Variants in PCDHGA1 observed in about 807,000 individuals in gnomAD.
The protein encoded by PCDHGA1 is protocadherin gamma-A1.
In PCDHGA1, 32 loss-of-function variants were observed where a neutral mutation model predicts 58.0. The ratio of observed to expected loss-of-function variants is 0.55; its 90% CI spans 0.42 to 0.74. The LOEUF (loss-of-function observed/expected upper bound fraction) is 0.74. Ranked by LOEUF, PCDHGA1 falls within the 30% of genes least tolerant of loss-of-function variation. The probability of loss-of-function intolerance (pLI) is 0.00; values close to 1 mark genes in which losing one functional copy is unlikely to be tolerated. For synonymous variants in PCDHGA1, 498 were observed against 501.1 expected, an observed-to-expected ratio of 0.99 and a Z score of 0.08; for missense variants, 1,205 against 1,182.3, an observed-to-expected ratio of 1.02 and a Z score of -0.28.
rs1594666821 is a variant in PCDHGA1, at chr5:141,487,316, T to C, written c.2422-7491T>C. 6.2e-7 allele frequency: 1 copy of C among 1,614,164 alleles called. No individual in the cohort carries two copies. Among genetic ancestry groups the C allele is most frequent in the South Asian group, 1.1e-5 (1 of 91,080 alleles). On this transcript the variant is annotated intron_variant, in intron 1 of 3. Coordinates refer to ENST00000517417, the MANE Select transcript of PCDHGA1 (RefSeq NM_018912.3). This position sits in a 1 kb window ranked among gnomAD's most constrained non-coding sequence, Gnocchi z 5.0. ...CTCATTCGTGGCACTACTCTCTAAG[T>C]GTCTTCGTGGGGCAGCCTGTGGAGT... is the stretch of plus-strand genomic sequence containing the variant.
chr5:141,423,119 G>A (rs769320490), intron 1 of PCDHGA1: 1 of 1,613,774 alleles, frequency 6.2e-7, no homozygotes, highest in South Asian at 1.1e-5. Context: ...CGTACAGCGC[G>A]GGCACTGCTG....
chr5:141,349,159 C>T (rs1758243875), intron 1 of PCDHGA1, among the ~76,000 whole-genome samples: 1 of 152,140 alleles, frequency 6.6e-6, no homozygotes, highest in Non-Finnish European at 1.5e-5. Flanking sequence ...CAACCTCTGC[C>T]TCCTGAGTTA....
intron 1 of PCDHGA1, chr5:141,339,963 C>G: frequency 6.2e-7 from 1 of 1,613,992 alleles, no homozygotes. Context: ...CTAACCAGAG[C>G]GAAGGTTATC....
chr5:141,480,533 G>A (rs2099521308), intron 1 of PCDHGA1, among the ~76,000 whole-genome samples: 1 of 127,758 alleles, frequency 7.8e-6, no homozygotes, highest in African/African-American at 3.6e-5. Flanking sequence ...CAAAGTAGAA[G>A]CACATATGAA....
rs745697154 is a variant in PCDHGA1 at position 141,351,532 on chromosome 5, C to T, written c.2421+18427C>T. On this transcript the variant is annotated intron_variant, in intron 1 of 3. Transcript: ENST00000517417. ...TCACAATCATAGCCACCGACAAGGGCAAACCAGCCCTTTCCTCCAGGACAA... is the reference window on the plus strand; with the variant it reads ...TCACAATCATAGCCACCGACAAGGGTAAACCAGCCCTTTCCTCCAGGACAA... 4 of 1,613,928 alleles carry T rather than the reference C, an allele frequency of 2.5e-6. No homozygotes were observed. The African/African-American group carries it at 4.0e-5, about 16-fold the overall frequency.
rs1218837884 is a variant in PCDHGA1 at position 141,403,668 on chromosome 5, C to A, written c.2421+70563C>A. On this transcript the variant is annotated intron_variant, in intron 1 of 3. Coordinates refer to ENST00000517417, the MANE Select transcript of PCDHGA1 (RefSeq NM_018912.3). ...ACAGTGTTGGATACAAATGATAATG[C>A]CCCGGTTTTTGCTCAACGGATTTAC... 1.9e-6 allele frequency: 3 copies of A among 1,613,772 alleles called. No individual in the cohort carries two copies. In the African/African-American group the frequency reaches 4.0e-5, roughly 22 times the overall value.
chr5:141,386,119 G>T (rs2090470238), intron 1 of PCDHGA1: 1 of 152,186 alleles, frequency 6.6e-6, no homozygotes, highest in Non-Finnish European at 1.5e-5. Context: ...ATCAAAGTGG[G>T]AGATTGGGGA....
intron 1 of PCDHGA1, chr5:141,362,031 G>A: frequency 6.2e-7 from 1 of 1,609,386 alleles, no homozygotes; most frequent in Non-Finnish European, 8.5e-7. Flanking sequence ...CGCGTGCCTT[G>A]GGCGACAGGG....
chr5:141,372,541 G>T, intron 1 of PCDHGA1: 16 of 1,613,980 alleles, frequency 9.9e-6, no homozygotes, highest in Non-Finnish European at 1.3e-5. Flanking sequence ...CTGCGCCTGC[G>T]ATGCTCCTCC....
At chr5:141,443,844 G>T (rs976057583) in intron 1 of PCDHGA1, among the ~76,000 whole-genome samples, 1 of 152,130 alleles carries the variant, frequency 6.6e-6, no homozygotes, top group African/African-American at 2.4e-5. Flanking sequence ...GGGTAATATG[G>T]AAAGTCTGAA....
At chr5:141,366,042 G>A (rs1221134506) in intron 1 of PCDHGA1, 5 of 1,614,242 alleles carry the variant, frequency 3.1e-6, no homozygotes, top group Non-Finnish European at 4.2e-6. Flanking sequence ...CCCACAGACG[G>A]TTCCACGGGC....
intron 1 of PCDHGA1, chr5:141,422,581 G>A (rs1223117895): frequency 3.7e-6 from 6 of 1,613,984 alleles, no homozygotes; most frequent in Non-Finnish European, 4.2e-6. Flanking sequence ...TAACCCTCCC[G>A]TTTTTCCTCA....
chr5:141,352,042 A>G, intron 1 of PCDHGA1: 1 of 1,608,126 alleles, frequency 6.2e-7, no homozygotes, highest in Non-Finnish European at 8.5e-7. Context: ...ACGCAGACTC[A>G]GGACACAACG....
intron 1 of PCDHGA1, among the ~76,000 whole-genome samples, chr5:141,468,979 C>T (rs1394344696): frequency 6.7e-6 from 1 of 149,482 alleles, no homozygotes; most frequent in African/African-American, 2.5e-5. Flanking sequence ...CTTTTGACTT[C>T]CAAAATTATT....
chr5:141,408,377 C>T (rs1322642798), intron 1 of PCDHGA1: 4 of 1,613,902 alleles, frequency 2.5e-6, no homozygotes, highest in Non-Finnish European at 3.4e-6. Context: ...GCTCAGTGTC[C>T]TGGATGTGTC....
Position 141,491,420 on chromosome 5 carries a change from G to A in PCDHGA1, c.2422-3387G>A, listed in dbSNP as rs2099713954. 1.2e-6 allele frequency: 2 copies of A among 1,614,004 alleles called. No homozygotes were observed. The highest frequency in any genetic ancestry group is 2.2e-5 in the South Asian group (2 of 91,090). On this transcript the variant is annotated intron_variant, in intron 1 of 3. Transcript: ENST00000517417. This position sits in a 1 kb window ranked among gnomAD's most constrained non-coding sequence, Gnocchi z 6.9. ...GGAAACGCAGACGGGGACGGGGGTG[G>A]AGGGCAGTGCTGCAGGCGCCAGGAC...
intron 1 of PCDHGA1, chr5:141,410,854 T>C: frequency 2.6e-6 from 1 of 387,418 alleles, no homozygotes; most frequent in Non-Finnish European, 4.2e-6. Flanking sequence ...TTTGTCTTTT[T>C]TTTTTTTTTT....
intron 1 of PCDHGA1, among the ~76,000 whole-genome samples, chr5:141,467,475 T>C (rs2099144764): frequency 6.6e-6 from 1 of 152,248 alleles, no homozygotes; most frequent in Non-Finnish European, 1.5e-5. Flanking sequence ...GCATGGTTTT[T>C]GGTTTCCACA....
At chr5:141,410,666 T>C (rs376209053) in intron 1 of PCDHGA1, 1 of 1,566,008 alleles carries the variant, frequency 6.4e-7, no homozygotes, top group Non-Finnish European at 8.6e-7. Flanking sequence ...AGTCTACTAG[T>C]TTCTCATATT....
Sources: gnomAD v4.1 joint callset for allele counts (sites outside exome capture counted in the v4.1 genomes callset) on GRCh38, gnomAD v4.1.1 for gene constraint, Gnocchi (gnomAD v3.1) non-coding constraint, MANE v1.5 for transcripts, NCBI Gene and HGNC (gene_info 2026-07-23, HGNC 2026-07-21) for gene names.